Variants in ARHGAP42 observed in about 807,000 individuals in gnomAD.
The protein encoded by ARHGAP42 is rho GTPase-activating protein 42.
In ARHGAP42, 63 loss-of-function variants were observed where a neutral mutation model predicts 125.0. The observed-to-expected ratio is 0.50, with a 90% confidence interval of 0.41 to 0.62. The LOEUF (loss-of-function observed/expected upper bound fraction) is 0.62, where lower values mean the gene tolerates loss of function less well. Among genes scored for constraint, ARHGAP42 ranks in the 20% least tolerant of loss-of-function variants. The pLI, the probability that ARHGAP42 is intolerant of heterozygous loss-of-function variation, is 0.00. For synonymous variants in ARHGAP42, 339 were observed against 351.0 expected, an observed-to-expected ratio of 0.97 and a Z score of 0.38; for missense variants, 766 against 1,024.2, an observed-to-expected ratio of 0.75 and a Z score of 3.44.
chr11:100,939,085 T>C (rs962091072), intron 8 of ARHGAP42, among the ~76,000 whole-genome samples: 2 of 152,186 alleles, frequency 1.3e-5, no homozygotes, highest in Non-Finnish European at 2.9e-5. Context: ...CCACTCTACC[T>C]GAGCATGTGG....
At chr11:100,810,493 A>G (rs766027631) in intron 3 of ARHGAP42, among the ~76,000 whole-genome samples, 3 of 152,228 alleles carry the variant, frequency 2.0e-5, no homozygotes, top group African/African-American at 4.8e-5. Flanking sequence ...AAACCTTTGT[A>G]TCTTTCACAT....
intron 3 of ARHGAP42, among the ~76,000 whole-genome samples, chr11:100,855,270 C>T (rs1219832981): frequency 1.3e-5 from 2 of 152,068 alleles, no homozygotes; most frequent in African/African-American, 2.4e-5. Flanking sequence ...TTCTGACATT[C>T]GGATGTGTTA....
At chr11:100,715,047 T>G (rs1480194907) in intron 1 of ARHGAP42, among the ~76,000 whole-genome samples, 1 of 43,542 alleles carries the variant, frequency 2.3e-5, no homozygotes, top group South Asian at 8.8e-4. Flanking sequence ...AAACCCTATC[T>G]CAAAAAAAAA....
intron 1 of ARHGAP42, among the ~76,000 whole-genome samples, chr11:100,710,029 C>T (rs531783785): frequency 6.6e-6 from 1 of 152,284 alleles, no homozygotes. Context: ...GGGGCATCTG[C>T]TGAACTTAAC....
At chr11:100,962,210 G>A (rs780915613) in intron 15 of ARHGAP42, among the ~76,000 whole-genome samples, 199 bp from the exon 16 acceptor site, 3 of 151,914 alleles carry the variant, frequency 2.0e-5, no homozygotes, top group East Asian at 1.9e-4. Context: ...CGAGGTCTGC[G>A]TTTCAGGTCT....
chr11:100,865,680 A>G (rs191165052), intron 4 of ARHGAP42, among the ~76,000 whole-genome samples: 3 of 152,346 alleles, frequency 2.0e-5, no homozygotes, highest in Admixed American at 2.0e-4. Context: ...TAAAAGTTAT[A>G]TTCATACTAT....
At chr11:100,790,969 C>A (rs985052859) in intron 2 of ARHGAP42, among the ~76,000 whole-genome samples, 3 of 152,152 alleles carry the variant, frequency 2.0e-5, no homozygotes, top group African/African-American at 4.8e-5. Context: ...GTGCATGTAA[C>A]TTCCAGATTT....
chr11:100,932,596 A>C (rs1036405608), intron 6 of ARHGAP42, among the ~76,000 whole-genome samples: 1 of 152,216 alleles, frequency 6.6e-6, no homozygotes, highest in Non-Finnish European at 1.5e-5. Flanking sequence ...TGTGTTATCT[A>C]GTTCAATGAT....
chr11:100,931,146 A>G (rs561068191), intron 6 of ARHGAP42, among the ~76,000 whole-genome samples: 162 of 152,286 alleles, frequency 1.1e-3, no homozygotes, highest in Non-Finnish European at 1.8e-3. Context: ...ATATTGAACC[A>G]CCAGAAAGCA....
chr11:100,917,650 C>T (rs1867110157), intron 5 of ARHGAP42, among the ~76,000 whole-genome samples: 1 of 152,202 alleles, frequency 6.6e-6, no homozygotes, highest in Non-Finnish European at 1.5e-5. Flanking sequence ...TGGCTCACTG[C>T]AACCTCCACC....
rs114525216 is a variant in ARHGAP42, at chr11:100,786,359, G to C, written c.251-8746G>C. Among the ~76,000 whole-genome samples, 1,489 of 152,304 alleles carry C rather than the reference G, an allele frequency of 9.8e-3. 17 individuals carry two copies. The highest frequency in any genetic ancestry group is 0.034 in the African/African-American group (1,410 of 41,564). Reference sequence around the variant, plus strand: ...TCAGTAAAGTTTTCTGAAGAATTCAGATAAAATTCATTTGAAGTAATAAGA... The same window carrying C: ...TCAGTAAAGTTTTCTGAAGAATTCACATAAAATTCATTTGAAGTAATAAGA... On this transcript the variant is annotated intron_variant, in intron 2 of 23. Transcript: ENST00000298815.
intron 16 of ARHGAP42, among the ~76,000 whole-genome samples, chr11:100,964,541 A>G (rs967416719): frequency 1.3e-5 from 2 of 152,186 alleles, no homozygotes; most frequent in Non-Finnish European, 2.9e-5. Context: ...GTAGTCCCAT[A>G]ATGTGAATCC....
Position 100,991,670 on chromosome 11 carries a change from T to C in ARHGAP42, c.*2869T>C, listed in dbSNP as rs1053898794. ...ACTGAAGGATTTTTCTGTTGTGTTA[T>C]GTGTAAATGTCTGAACAGTAAAATC... On this transcript the variant is annotated 3_prime_UTR_variant, in exon 24 of 24. Transcript: ENST00000298815. The C allele has an allele frequency of 2.0e-5, 3 of 152,196 alleles. No individual in the cohort carries two copies. Among genetic ancestry groups the C allele is most frequent in the Admixed American group, 2.0e-4 (3 of 15,278 alleles). The allele number at this position is 152,196 out of a possible 1,614,324, so 9.4% of individuals were successfully genotyped here.
chr11:100,861,878 T>TG (rs1865453424), intron 4 of ARHGAP42, among the ~76,000 whole-genome samples: 1 of 152,158 alleles, frequency 6.6e-6, no homozygotes, highest in South Asian at 2.1e-4. Context: ...ATTAAAATCA[T>TG]GGGAGTAGAT....
At chr11:100,799,645 C>T (rs998399921) in intron 3 of ARHGAP42, among the ~76,000 whole-genome samples, 3 of 151,932 alleles carry the variant, frequency 2.0e-5, no homozygotes, top group Non-Finnish European at 4.4e-5. Context: ...TCTGGGTTGG[C>T]GAGGCTGTGA....
chr11:100,781,565 T>C (rs956247106), intron 2 of ARHGAP42, among the ~76,000 whole-genome samples: 2 of 152,076 alleles, frequency 1.3e-5, no homozygotes, highest in African/African-American at 4.8e-5. Flanking sequence ...ATTTGTCAGG[T>C]ACCATGTTAG....
intron 23 of ARHGAP42, among the ~76,000 whole-genome samples, chr11:100,988,396 T>C (rs1858740912): frequency 6.6e-6 from 1 of 152,188 alleles, no homozygotes; most frequent in Non-Finnish European, 1.5e-5. Context: ...AATAAATAGA[T>C]AAATAATAAT....
intron 1 of ARHGAP42, among the ~76,000 whole-genome samples, chr11:100,735,297 T>G (rs1415767899): frequency 6.6e-6 from 1 of 152,216 alleles, no homozygotes; most frequent in Non-Finnish European, 1.5e-5. Flanking sequence ...CCTTTCCTAG[T>G]TTAGTTTCTC....
At chr11:100,828,448 G>C (rs1416660806) in intron 3 of ARHGAP42, among the ~76,000 whole-genome samples, 1 of 152,102 alleles carries the variant, frequency 6.6e-6, no homozygotes, top group African/African-American at 2.4e-5. Flanking sequence ...CTACCTCATT[G>C]TCTCTGACTA....
Sources: gnomAD v4.1 joint callset for allele counts (sites outside exome capture counted in the v4.1 genomes callset) on GRCh38, gnomAD v4.1.1 for gene constraint, MANE v1.5 for transcripts, NCBI Gene and HGNC (gene_info 2026-07-23, HGNC 2026-07-21) for gene names.